Variants in XPA observed in about 807,000 individuals in gnomAD.
The protein encoded by XPA is XPA, DNA damage recognition and repair factor, also known as DNA repair protein complementing XP-A cells.
XPA carries 27 observed loss-of-function variants against 35.7 expected under a neutral mutation model. The ratio of observed to expected loss-of-function variants is 0.76; its 90% confidence interval spans 0.56 to 1.04. The LOEUF (loss-of-function observed/expected upper bound fraction) is 1.04. Ranked by LOEUF, XPA falls within the 50% of genes least tolerant of loss-of-function variation. The pLI, the probability that XPA is intolerant of heterozygous loss-of-function variation, is 0.00. For synonymous variants in XPA, 133 were observed against 118.4 expected, an observed-to-expected ratio of 1.12 and a Z score of -0.80; for missense variants, 354 against 342.7, an observed-to-expected ratio of 1.03 and a Z score of -0.26.
At chr9:97,660,784 A>C in the XPA span, among the ~76,000 whole-genome samples, 1 of 152,246 alleles carries the variant, frequency 6.6e-6, no homozygotes, top group Non-Finnish European at 1.5e-5. Context: ...AAAAGCTTTC[A>C]CATACGGTAT....
intron 2 of XPA, among the ~76,000 whole-genome samples, chr9:97,692,272 C>T (rs968944826): frequency 6.6e-5 from 10 of 151,316 alleles, no homozygotes; most frequent in Admixed American, 2.6e-4. Flanking sequence ...GCCTGGGCAA[C>T]GAGAGTGAAA....
chr9:97,655,686 C>T, the XPA span: 1 of 1,598,820 alleles, frequency 6.3e-7, no homozygotes, highest in African/African-American at 1.3e-5. Flanking sequence ...TGCCTACCTC[C>T]CCCTTCTCTA....
intron 3 of XPA, among the ~76,000 whole-genome samples, chr9:97,688,658 G>C (rs1438978083): frequency 3.3e-5 from 5 of 152,182 alleles, no homozygotes; most frequent in Non-Finnish European, 7.3e-5. Flanking sequence ...TGGGAAATGA[G>C]TTTGTAATCT....
chr9:97,658,584 T>TA, the XPA span: 1 of 1,328,160 alleles, frequency 7.5e-7, no homozygotes, highest in Non-Finnish European at 1.1e-6. Flanking sequence ...AGTCGGGTGT[T>TA]ACCGAAGAAT....
intron 1 of XPA, among the ~76,000 whole-genome samples, chr9:97,694,210 G>C (rs1478334089): frequency 6.6e-6 from 1 of 152,242 alleles, no homozygotes; most frequent in Non-Finnish European, 1.5e-5. Flanking sequence ...GATGCAAGGT[G>C]ATCTCAGCTA....
downstream of XPA, chr9:97,672,245 A>G (rs1407313153): frequency 6.6e-6 from 1 of 151,946 alleles, no homozygotes; most frequent in Non-Finnish European, 1.5e-5. Context: ...ACCTTAGAAA[A>G]AAATTACCAG....
At chr9:97,663,977 G>A in the XPA span, among the ~76,000 whole-genome samples, 1 of 151,480 alleles carries the variant, frequency 6.6e-6, no homozygotes, top group Non-Finnish European at 1.5e-5. Flanking sequence ...CCAGGAGTTC[G>A]AGACCAGCCT....
rs188305362 is a variant in XPA at position 97,683,948 on chromosome 9, T to A, written c.673+975A>T. On this transcript the variant is annotated intron_variant, in intron 5 of 5. Transcript: ENST00000375128. The stretch of plus-strand genomic sequence containing the variant: ...TCAATGAATTAATTTAGTATATATA[T>A]AAAACCGAATATATACATAAAGTAT... 5.4e-3 allele frequency among the ~76,000 whole-genome samples: 817 copies of A among 152,326 alleles called. 6 individuals are homozygous for A. The highest frequency in any genetic ancestry group is 0.019 in the African/African-American group (787 of 41,570).
chr9:97,673,777 C>T (rs1474458293), downstream of XPA: 1 of 152,164 alleles, frequency 6.6e-6, no homozygotes, highest in East Asian at 1.9e-4. Context: ...TATAACTGTA[C>T]TTGAAAATGA....
chr9:97,695,685 G>A (rs1587754114), intron 1 of XPA, among the ~76,000 whole-genome samples: 1 of 152,084 alleles, frequency 6.6e-6, no homozygotes, highest in Non-Finnish European at 1.5e-5. Context: ...TTCTAAGCAA[G>A]TTTTTTCAGT....
At chr9:97,669,844 C>A in the XPA span, 18 of 720,442 alleles carry the variant, frequency 2.5e-5, no homozygotes, top group African/African-American at 3.0e-4. Flanking sequence ...TTTGCTGCTA[C>A]CATTGCTCAT....
chr9:97,657,926 A>T, the XPA span, among the ~76,000 whole-genome samples: 963 of 91,400 alleles, frequency 0.011, 13 homozygotes, highest in South Asian at 0.025. Flanking sequence ...ATATATATAT[A>T]TTTTTTTTTT....
chr9:97,677,232 AGTCT>A (rs1181945469), intron 5 of XPA, among the ~76,000 whole-genome samples: 13 of 152,224 alleles, frequency 8.5e-5, no homozygotes, highest in African/African-American at 2.4e-4. Context: ...TTGTAGTAAA[AGTCT>A]GTCTGTCTAG....
At chr9:97,654,744 C>A in the XPA span, 1 of 797,414 alleles carries the variant, frequency 1.3e-6, no homozygotes. Context: ...AAAACAAAAA[C>A]AAGATTGATT....
At chr9:97,663,770 G>C in the XPA span, among the ~76,000 whole-genome samples, 1 of 151,924 alleles carries the variant, frequency 6.6e-6, no homozygotes, top group Non-Finnish European at 1.5e-5. Flanking sequence ...ACAGGTGTGA[G>C]CCACCGCGCC....
chr9:97,680,837 G>A (rs1434758273), intron 5 of XPA, among the ~76,000 whole-genome samples: 1 of 152,216 alleles, frequency 6.6e-6, no homozygotes, highest in African/African-American at 2.4e-5. Flanking sequence ...TCGGGGAGCT[G>A]AGGAAACCTG....
chr9:97,662,208 T>C, the XPA span: 25,414 of 1,170,798 alleles, frequency 0.022, 3,781 homozygotes, highest in African/African-American at 0.33. Context: ...ACCAGTGGTA[T>C]GGTAATTTTT....
chr9:97,697,277 C>T lies in XPA; in HGVS notation c.16G>A (p.Gly6Arg), dbSNP rs200218050. The change falls in exon 1 of 6, where the codon GGG becomes AGG. Residue 6 changes from glycine to arginine, a missense_variant. Gly to Arg is a moderately radical substitution (Grantham distance 125, BLOSUM62 -2). Transcript: ENST00000375128. MAAAD[G>R]ALPEAAALEQ... ...AAAGCCGCCGCCTCCGGCAAAGCCC[C>T]GTCGGCCGCCGCCATCTCTGGCCCA... The T allele has an allele frequency of 3.3e-5, 53 of 1,598,454 alleles. No homozygotes were observed. Among genetic ancestry groups the T allele is most frequent in the Non-Finnish European group, 4.1e-5 (48 of 1,179,212 alleles).
chr9:97,666,709 A>G, the XPA span: 1 of 1,219,584 alleles, frequency 8.2e-7, no homozygotes. Flanking sequence ...GAAAGATTTT[A>G]TTTTCTGTAA....
Sources: allele counts gnomAD v4.1 joint callset (sites outside exome capture counted in the v4.1 genomes callset), GRCh38; gene constraint gnomAD v4.1.1; transcripts MANE v1.5; gene names NCBI Gene and HGNC (gene_info 2026-07-23, HGNC 2026-07-21).